KSR2: variants seen among roughly 807,000 people sequenced by gnomAD.
KSR2 encodes the protein kinase suppressor of ras 2.
KSR2 carries 25 observed loss-of-function variants against 107.8 expected under a neutral mutation model. That is an observed-to-expected ratio of 0.23 (90% CI 0.17 to 0.32). The LOEUF (loss-of-function observed/expected upper bound fraction) is 0.32. Among genes scored for constraint, KSR2 ranks in the 10% least tolerant of loss-of-function variants. The probability of loss-of-function intolerance (pLI) is 1.00; values close to 1 mark genes in which losing one functional copy is unlikely to be tolerated. For synonymous variants in KSR2, 480 were observed against 507.0 expected, an observed-to-expected ratio of 0.95 and a Z score of 0.71; for missense variants, 887 against 1,268.9, an observed-to-expected ratio of 0.70 and a Z score of 4.57.
chr12:117,693,148 G>A (rs947031026), intron 4 of KSR2, among the ~76,000 whole-genome samples: 2 of 152,268 alleles, frequency 1.3e-5, no homozygotes, highest in Middle Eastern at 3.4e-3. Flanking sequence ...GGAGGCCGAG[G>A]TTCTGGAGGT....
At chr12:117,573,371 G>C (rs775614564) in intron 7 of KSR2, among the ~76,000 whole-genome samples, 2 of 151,888 alleles carry the variant, frequency 1.3e-5, no homozygotes, top group African/African-American at 2.4e-5. Flanking sequence ...TGTCGTTGTC[G>C]TTGTCATTAA....
intron 10 of KSR2, among the ~76,000 whole-genome samples, chr12:117,533,094 A>G (rs750904357): frequency 6.6e-5 from 10 of 152,252 alleles, no homozygotes; most frequent in Non-Finnish European, 1.3e-4. Flanking sequence ...GACCATCATT[A>G]CGAGATAAAA....
At chr12:117,699,506 A>G (rs1886213097) in intron 4 of KSR2, among the ~76,000 whole-genome samples, 1 of 152,236 alleles carries the variant, frequency 6.6e-6, no homozygotes, top group African/African-American at 2.4e-5. Context: ...CCAGGCTACA[A>G]ATCAGTACAG....
At chr12:117,801,840 G>GGCTC (rs2137023027) in intron 3 of KSR2, among the ~76,000 whole-genome samples, 1 of 29,100 alleles carries the variant, frequency 3.4e-5, no homozygotes, top group Non-Finnish European at 4.9e-5. Context: ...AAGTACCGTG[G>GGCTC]GGGGAAGAAG....
intron 4 of KSR2, among the ~76,000 whole-genome samples, chr12:117,690,399 A>G (rs1019762354): frequency 6.6e-6 from 1 of 152,140 alleles, no homozygotes; most frequent in African/African-American, 2.4e-5. Flanking sequence ...CCCCGTCTCT[A>G]TTAAAAATAC....
At chr12:117,777,621 G>A (rs1008919689) in intron 3 of KSR2, among the ~76,000 whole-genome samples, 22 of 152,138 alleles carry the variant, frequency 1.4e-4, no homozygotes, top group East Asian at 3.8e-4. Context: ...AATGAGGATC[G>A]ACTGTTGTTA....
At chr12:117,757,015 A>G (rs1339715591) in intron 4 of KSR2, among the ~76,000 whole-genome samples, 2 of 148,702 alleles carry the variant, frequency 1.3e-5, no homozygotes, top group Non-Finnish European at 3.0e-5. Flanking sequence ...AGATTGCTCC[A>G]TTGCACTCTA....
intron 4 of KSR2, among the ~76,000 whole-genome samples, chr12:117,723,683 T>C (rs1887299699): frequency 6.6e-6 from 1 of 152,068 alleles, no homozygotes; most frequent in South Asian, 2.1e-4. Flanking sequence ...GTCAACAGTA[T>C]TGTACCAATG....
chr12:117,903,893 G>C (rs1894762579), intron 1 of KSR2, among the ~76,000 whole-genome samples: 1 of 152,068 alleles, frequency 6.6e-6, no homozygotes, highest in Non-Finnish European at 1.5e-5. Context: ...CAGCTACCTG[G>C]GAGGCTGGGG....
intron 4 of KSR2, among the ~76,000 whole-genome samples, chr12:117,733,116 C>T (rs892693046): frequency 1.3e-5 from 2 of 152,148 alleles, no homozygotes; most frequent in East Asian, 1.9e-4. Flanking sequence ...GGCCACAACG[C>T]GCCATGGCTT....
At chr12:117,712,554 G>A (rs1227816469) in intron 4 of KSR2, among the ~76,000 whole-genome samples, 2 of 152,188 alleles carry the variant, frequency 1.3e-5, no homozygotes, top group African/African-American at 2.4e-5. Context: ...TGTAAAATGG[G>A]GCAATGAGCT....
intron 3 of KSR2, among the ~76,000 whole-genome samples, chr12:117,790,731 A>G (rs575022019): frequency 1.2e-4 from 18 of 152,242 alleles, no homozygotes; most frequent in African/African-American, 4.3e-4. Context: ...CTGGTAGCCC[A>G]TGGTTTATTT....
rs916956203 is a variant in KSR2, at chr12:117,705,791, G to A, written c.987-38133C>T. Reference sequence around the variant, plus strand: ...ATAGACTGGGAATGCTCCCCTCTTTGGGAATTCTTGCTGGGAAATCTGGGC... The same window carrying A: ...ATAGACTGGGAATGCTCCCCTCTTTAGGAATTCTTGCTGGGAAATCTGGGC... On this transcript the variant is annotated intron_variant, in intron 4 of 19. Transcript: ENST00000339824. Among the ~76,000 whole-genome samples the A allele has an allele frequency of 3.3e-5, 5 of 152,136 alleles. No individual in the cohort carries two copies. In the South Asian group the frequency reaches 1.0e-3, roughly 32 times the overall value.
intron 4 of KSR2, among the ~76,000 whole-genome samples, chr12:117,685,816 G>A (rs2136552210): frequency 2.0e-5 from 3 of 152,298 alleles, no homozygotes; most frequent in Middle Eastern, 6.8e-3. Flanking sequence ...TAAGATCACT[G>A]GACAGAGAAG....
At chr12:117,637,242 T>C (rs141627427) in intron 5 of KSR2, among the ~76,000 whole-genome samples, 1,728 of 152,330 alleles carry the variant, frequency 0.011, 15 homozygotes, top group Non-Finnish European at 0.017. Context: ...CATCATTTGT[T>C]CCAGTAGTTC....
chr12:117,476,712 G>C, intron 16 of KSR2, 117 bp from the exon 17 acceptor site: 1 of 1,125,932 alleles, frequency 8.9e-7, no homozygotes, highest in South Asian at 1.8e-5. Context: ...TTCCCACATT[G>C]AGCACTGCCT....
intron 9 of KSR2, among the ~76,000 whole-genome samples, chr12:117,541,515 C>G (rs1291403414): frequency 1.3e-5 from 2 of 152,070 alleles, no homozygotes; most frequent in Non-Finnish European, 2.9e-5. Context: ...AAAGGGATTC[C>G]TACCTCTCAA....
intron 14 of KSR2, among the ~76,000 whole-genome samples, chr12:117,492,246 C>T (rs1872784338): frequency 6.6e-6 from 1 of 152,160 alleles, no homozygotes; most frequent in Admixed American, 6.5e-5. Context: ...TATTATAAAC[C>T]AACCTAAAAG....
At chr12:117,546,254 A>G (rs1419743269) in intron 9 of KSR2, among the ~76,000 whole-genome samples, 2 of 152,210 alleles carry the variant, frequency 1.3e-5, no homozygotes, top group African/African-American at 4.8e-5. Context: ...TTCTGAATTG[A>G]AAACTTTTCT....
Sources: allele counts gnomAD v4.1 joint callset (sites outside exome capture counted in the v4.1 genomes callset), GRCh38; gene constraint gnomAD v4.1.1; transcripts MANE v1.5; gene names NCBI Gene and HGNC (gene_info 2026-07-23, HGNC 2026-07-21).